MAF: variants seen among roughly 807,000 people sequenced by gnomAD.
The protein encoded by MAF is MAF bZIP transcription factor.
A neutral mutation model predicts 22.0 loss-of-function variants in MAF; 10 were observed. The observed-to-expected ratio is 0.45, with a 90% CI of 0.28 to 0.77. The LOEUF is 0.77. Among genes scored for constraint, MAF ranks in the 30% least tolerant of loss-of-function variants. The probability of loss-of-function intolerance (pLI) is 0.12; values close to 1 mark genes in which losing one functional copy is unlikely to be tolerated. For synonymous variants in MAF, 337 were observed against 255.8 expected, an observed-to-expected ratio of 1.32 and a Z score of -3.03; for missense variants, 544 against 548.4, an observed-to-expected ratio of 0.99 and a Z score of 0.08.
At chr16:79,524,433 A>G in the MAF span, among the ~76,000 whole-genome samples, 1 of 152,188 alleles carries the variant, frequency 6.6e-6, no homozygotes, top group South Asian at 2.1e-4. Context: ...GCCTGTTGCA[A>G]TTATTCCTGT....
At chr16:79,398,948 T>C in the MAF span, among the ~76,000 whole-genome samples, 3 of 152,330 alleles carry the variant, frequency 2.0e-5, no homozygotes, top group South Asian at 4.1e-4. Context: ...TCTGATTGCC[T>C]GCAGTGTTGT....
At chr16:79,519,609 C>T in the MAF span, among the ~76,000 whole-genome samples, 1 of 152,202 alleles carries the variant, frequency 6.6e-6, no homozygotes, top group Non-Finnish European at 1.5e-5. Flanking sequence ...TCCACTGGCC[C>T]TTGGAGACCA....
At chr16:79,325,733 G>A in the MAF span, among the ~76,000 whole-genome samples, 2 of 152,190 alleles carry the variant, frequency 1.3e-5, no homozygotes, top group Non-Finnish European at 2.9e-5. Flanking sequence ...AAAGTGAGAA[G>A]GCAGGAAGGC....
At chr16:79,368,922 TCA>T in the MAF span, among the ~76,000 whole-genome samples, 1 of 152,228 alleles carries the variant, frequency 6.6e-6, no homozygotes, top group African/African-American at 2.4e-5. Context: ...TCATTTGAAA[TCA>T]CACACTTTTA....
At chr16:79,465,930 G>A in the MAF span, among the ~76,000 whole-genome samples, 1 of 152,160 alleles carries the variant, frequency 6.6e-6, no homozygotes, top group Admixed American at 6.5e-5. Flanking sequence ...GGATACATTT[G>A]CAAATATTAA....
Position 79,587,874 on chromosome 16 carries a change from G to A in MAF, c.1119-1933C>T, listed in dbSNP as rs867247895. On this transcript the variant is annotated intron_variant, in intron 1 of 1. Transcript: ENST00000569649. ...TCAAAGCATTTACTTTCAAAAGGGG[G>A]GGGGGGGTAGATACTATTTGCACAC... 6.0e-3 allele frequency among the ~76,000 whole-genome samples: 891 copies of A among 148,490 alleles called. 18 individuals are homozygous for A. Among genetic ancestry groups the A allele is most frequent in the African/African-American group, 0.021 (848 of 40,880 alleles).
At chr16:79,444,932 C>A in the MAF span, among the ~76,000 whole-genome samples, 7 of 152,138 alleles carry the variant, frequency 4.6e-5, no homozygotes, top group African/African-American at 1.7e-4. Context: ...CAGATAGGAA[C>A]AGAAAGCCTG....
chr16:79,564,097 C>T, the MAF span, among the ~76,000 whole-genome samples: 1 of 152,244 alleles, frequency 6.6e-6, no homozygotes, highest in African/African-American at 2.4e-5. Flanking sequence ...ATTCCCTCCC[C>T]CATGGCCACT....
the MAF span, among the ~76,000 whole-genome samples, chr16:79,350,754 G>A: frequency 4.6e-5 from 7 of 152,198 alleles, no homozygotes; most frequent in African/African-American, 1.7e-4. Context: ...CTGGGAACCT[G>A]TTCAAGCAGG....
the MAF span, among the ~76,000 whole-genome samples, chr16:79,223,415 G>T: frequency 1.3e-5 from 2 of 151,740 alleles, no homozygotes; most frequent in Non-Finnish European, 2.9e-5. Flanking sequence ...AAGCAGGAAA[G>T]ATCTAAAATC....
chr16:79,293,258 C>T, the MAF span, among the ~76,000 whole-genome samples: 4 of 152,074 alleles, frequency 2.6e-5, no homozygotes, highest in Non-Finnish European at 4.4e-5. Flanking sequence ...TGCTGAGCCA[C>T]CCCAATAAGA....
At chr16:79,573,751 A>G in the MAF span, among the ~76,000 whole-genome samples, 1 of 152,234 alleles carries the variant, frequency 6.6e-6, no homozygotes, top group Non-Finnish European at 1.5e-5. Flanking sequence ...ACATTAAGTA[A>G]TAGCACTAGT....
At chr16:79,538,876 AAAGAAAG>A in the MAF span, among the ~76,000 whole-genome samples, 70 of 33,692 alleles carry the variant, frequency 2.1e-3, no homozygotes, top group African/African-American at 2.4e-3. Flanking sequence ...AAAAGAAAAG[AAAGAAAG>A]AAAGAAAGAA....
At chr16:79,327,039 G>A in the MAF span, among the ~76,000 whole-genome samples, 2 of 152,348 alleles carry the variant, frequency 1.3e-5, no homozygotes, top group African/African-American at 4.8e-5. Flanking sequence ...TGGCCTCACA[G>A]TCTGCATACT....
chr16:79,382,575 A>G, the MAF span, among the ~76,000 whole-genome samples: 1 of 152,228 alleles, frequency 6.6e-6, no homozygotes, highest in Non-Finnish European at 1.5e-5. Context: ...AGAGAATGGC[A>G]CACCTGATCA....
At chr16:79,593,127 A>G (rs1348111863), downstream of MAF, among the ~76,000 whole-genome samples, 1 of 152,200 alleles carries the variant, frequency 6.6e-6, no homozygotes, top group African/African-American at 2.4e-5. Context: ...AGAGAGACTT[A>G]TGTGGCAATC....
the MAF span, among the ~76,000 whole-genome samples, chr16:79,264,293 T>G: frequency 0.11 from 17,174 of 152,240 alleles, 1,079 homozygotes; most frequent in African/African-American, 0.13. Flanking sequence ...TAAAAACAAC[T>G]GCCTGCCCTT....
At chr16:79,580,840 T>G in the MAF span, among the ~76,000 whole-genome samples, 3 of 152,060 alleles carry the variant, frequency 2.0e-5, no homozygotes, top group Admixed American at 6.6e-5. Context: ...GAAGAAAAAT[T>G]TTAAAATAAG....
chr16:79,212,955 G>T, the MAF span: 1 of 152,066 alleles, frequency 6.6e-6, no homozygotes. Flanking sequence ...ACCTTAAGAT[G>T]TTTTGTTATT....
Sources: gnomAD v4.1 joint callset for allele counts (sites outside exome capture counted in the v4.1 genomes callset) on GRCh38, gnomAD v4.1.1 for gene constraint, MANE v1.5 for transcripts, NCBI Gene and HGNC (gene_info 2026-07-23, HGNC 2026-07-21) for gene names.